FGGY: variants seen among roughly 807,000 people sequenced by gnomAD.
The protein encoded by FGGY is FGGY carbohydrate kinase domain containing.
FGGY carries 72 observed loss-of-function variants against 71.3 expected under a neutral mutation model. The observed-to-expected ratio is 1.01, with a 90% CI of 0.84 to 1.23. The LOEUF is 1.23. Ranked by LOEUF, FGGY falls within the 50% of genes most tolerant of loss-of-function variation. FGGY has a pLI of 0.00. For missense variants in FGGY, 668 were observed against 682.3 expected (o/e 0.98, Z 0.23); for synonymous variants, 251 against 250.3 (o/e 1.00, Z -0.02).
intron 5 of FGGY, among the ~76,000 whole-genome samples, chr1:59,444,609 G>C (rs1438837268): frequency 6.6e-6 from 1 of 152,132 alleles, no homozygotes; most frequent in Admixed American, 6.5e-5. Context: ...AGCATGAGGT[G>C]GGCGGTGGGC....
intron 8 of FGGY, among the ~76,000 whole-genome samples, chr1:59,587,536 G>A (rs548152966): frequency 1.3e-5 from 2 of 152,158 alleles, no homozygotes; most frequent in African/African-American, 4.8e-5. Context: ...GCCTAACTGG[G>A]AGGCACCCCC....
intron 8 of FGGY, among the ~76,000 whole-genome samples, chr1:59,587,785 A>G (rs1462844654): frequency 4.6e-5 from 7 of 152,178 alleles, no homozygotes; most frequent in South Asian, 2.1e-4. Flanking sequence ...TCCACACCAA[A>G]AACCCATCTG....
intron 10 of FGGY, chr1:59,626,687 T>G (rs919270967): frequency 6.6e-6 from 1 of 152,134 alleles, no homozygotes; most frequent in African/African-American, 2.4e-5. Flanking sequence ...AAACCCCATC[T>G]CTACTAAAAA....
At chr1:59,711,508 C>G (rs2097794027) in intron 14 of FGGY, among the ~76,000 whole-genome samples, 1 of 152,200 alleles carries the variant, frequency 6.6e-6, no homozygotes, top group African/African-American at 2.4e-5. Flanking sequence ...AGCTTGGGCT[C>G]TTTCTGGATA....
intron 8 of FGGY, among the ~76,000 whole-genome samples, chr1:59,589,356 C>T (rs2096380085): frequency 6.6e-6 from 1 of 152,186 alleles, no homozygotes; most frequent in African/African-American, 2.4e-5. Context: ...TAACACCCCA[C>T]TGTCAACATT....
intron 2 of FGGY, among the ~76,000 whole-genome samples, chr1:59,334,518 T>C (rs955553156): frequency 1.3e-5 from 2 of 152,236 alleles, no homozygotes; most frequent in Admixed American, 1.3e-4. Context: ...ATAATATGTA[T>C]GTCAAACATA....
In FGGY at chr1:59,515,524, G is replaced by A. The variant is rs543663208; in HGVS notation, c.799+3085G>A. ...GATTGGGAGGGGCCAGGGGCGGAAT[G>A]ATAATGATTTGGCTGTGTCTCTATT... On this transcript the variant is annotated intron_variant, in intron 7 of 15. Transcript: ENST00000303721. Among the ~76,000 whole-genome samples, 7 of 152,242 alleles carry A rather than the reference G, an allele frequency of 4.6e-5. No homozygotes were observed. In the East Asian group the frequency reaches 1.4e-3, roughly 29 times the overall value.
At chr1:59,698,636 T>C (rs988462332) in intron 14 of FGGY, 1 of 475,880 alleles carries the variant, frequency 2.1e-6, no homozygotes, top group Non-Finnish European at 2.7e-6. Flanking sequence ...ACTTGGGAAT[T>C]TTTTTTTCTT....
At chr1:59,510,367 CT>C (rs755019605) in intron 6 of FGGY, among the ~76,000 whole-genome samples, 1 of 152,164 alleles carries the variant, frequency 6.6e-6, no homozygotes, top group Non-Finnish European at 1.5e-5. Flanking sequence ...AGTGCAGTCC[CT>C]AGCATGAAAG....
intron 7 of FGGY, among the ~76,000 whole-genome samples, chr1:59,529,878 G>C (rs1336707288): frequency 1.3e-5 from 2 of 152,208 alleles, no homozygotes; most frequent in Non-Finnish European, 2.9e-5. Flanking sequence ...ACAAATCCAT[G>C]CATTAGGCAC....
chr1:59,340,541 A>G (rs1209333447), intron 3 of FGGY, among the ~76,000 whole-genome samples: 2 of 152,152 alleles, frequency 1.3e-5, no homozygotes, highest in South Asian at 4.1e-4. Flanking sequence ...TGGCCTCTCT[A>G]TTTTCAGTAG....
chr1:59,636,628 AAAAAT>A (rs906468315), intron 10 of FGGY, among the ~76,000 whole-genome samples: 1 of 152,156 alleles, frequency 6.6e-6, no homozygotes, highest in African/African-American at 2.4e-5. Flanking sequence ...TCTCAAAGAA[AAAAAT>A]AAAATAAAAT....
At chr1:59,321,111 G>T (rs2046305693) in intron 1 of FGGY, among the ~76,000 whole-genome samples, 2 of 152,250 alleles carry the variant, frequency 1.3e-5, no homozygotes, top group South Asian at 2.1e-4. Flanking sequence ...GGTAATTGTT[G>T]AATGAATGAC....
At chr1:59,589,672 T>A (rs527880580) in intron 8 of FGGY, among the ~76,000 whole-genome samples, 2 of 152,112 alleles carry the variant, frequency 1.3e-5, no homozygotes, top group East Asian at 3.9e-4. Flanking sequence ...CTGAACAACC[T>A]GCTCCTGAAT....
Position 59,759,600 on chromosome 1 carries a change from T to C in FGGY, c.1574+1608T>C, listed in dbSNP as rs145555323. Among the ~76,000 whole-genome samples, 769 of 152,334 alleles carry C rather than the reference T, an allele frequency of 5.0e-3. 6 individuals are homozygous for C. The highest frequency in any genetic ancestry group is 5.8e-3 in the Non-Finnish European group (394 of 68,028). On this transcript the variant is annotated intron_variant, in intron 15 of 15. Transcript: ENST00000303721. Reference sequence around the variant, plus strand: ...CTGGGAGCTGGCAGCTGGCAGCTGTTCTCTGCGAAGGAGGCGGCACACACG... The same window carrying C: ...CTGGGAGCTGGCAGCTGGCAGCTGTCCTCTGCGAAGGAGGCGGCACACACG...
At chr1:59,695,280 A>G (rs1161352838) in intron 14 of FGGY, among the ~76,000 whole-genome samples, 1 of 152,158 alleles carries the variant, frequency 6.6e-6, no homozygotes, top group Non-Finnish European at 1.5e-5. Context: ...AAAGATGGAG[A>G]GGACAGGTGC....
intron 9 of FGGY, among the ~76,000 whole-genome samples, chr1:59,615,614 A>G (rs2096743642): frequency 6.6e-6 from 1 of 152,258 alleles, no homozygotes; most frequent in Non-Finnish European, 1.5e-5. Context: ...AAACATCAAA[A>G]GCAACGGCAA....
chr1:59,431,043 A>G (rs2067270616), intron 5 of FGGY, among the ~76,000 whole-genome samples: 1 of 152,098 alleles, frequency 6.6e-6, no homozygotes, highest in Admixed American at 6.5e-5. Flanking sequence ...GTGGGGGACA[A>G]TCTATATATT....
intron 4 of FGGY, among the ~76,000 whole-genome samples, chr1:59,348,541 A>G (rs1352132792): frequency 4.6e-5 from 7 of 152,144 alleles, no homozygotes; most frequent in Non-Finnish European, 1.0e-4. Context: ...GAAAACCTCT[A>G]GGTGGTCTGG....
Sources: gnomAD v4.1 joint callset for allele counts (sites outside exome capture counted in the v4.1 genomes callset) on GRCh38, gnomAD v4.1.1 for gene constraint, MANE v1.5 for transcripts, NCBI Gene and HGNC (gene_info 2026-07-23, HGNC 2026-07-21) for gene names.